Variants in CCDC171 observed in about 807,000 individuals in gnomAD.
CCDC171 encodes the protein coiled-coil domain-containing protein 171.
A neutral mutation model predicts 168.2 loss-of-function variants in CCDC171; 177 were observed. That is an observed-to-expected ratio of 1.05 (90% CI 0.93 to 1.19). The LOEUF (loss-of-function observed/expected upper bound fraction) is 1.19. CCDC171 is among the 50% of genes most tolerant of loss of function. The pLI, the probability that CCDC171 is intolerant of heterozygous loss-of-function variation, is 0.00. For synonymous variants in CCDC171, 687 were observed against 540.8 expected, an observed-to-expected ratio of 1.27 and a Z score of -3.75; for missense variants, 1,991 against 1,539.0, an observed-to-expected ratio of 1.29 and a Z score of -4.91.
intron 11 of CCDC171, among the ~76,000 whole-genome samples, chr9:15,703,822 A>G (rs1164533459): frequency 6.6e-6 from 1 of 151,856 alleles, no homozygotes; most frequent in Non-Finnish European, 1.5e-5. Flanking sequence ...TTTTTGAGAA[A>G]CCTCCATACT....
intron 8 of CCDC171, among the ~76,000 whole-genome samples, chr9:15,661,344 T>G (rs2048309727): frequency 6.6e-6 from 1 of 152,082 alleles, no homozygotes; most frequent in Non-Finnish European, 1.5e-5. Flanking sequence ...GCTGAAGTTT[T>G]AAATTCATGA....
chr9:15,698,539 A>G (rs908125944), intron 11 of CCDC171, among the ~76,000 whole-genome samples: 3 of 130,776 alleles, frequency 2.3e-5, no homozygotes, highest in Non-Finnish European at 3.3e-5. Flanking sequence ...AAAAAAAAAA[A>G]GGAACATAGG....
intron 3 of CCDC171, among the ~76,000 whole-genome samples, chr9:15,994,715 G>A (rs543502532): frequency 4.8e-4 from 73 of 152,306 alleles, no homozygotes; most frequent in African/African-American, 1.4e-3. Context: ...ATTGTCTGCA[G>A]TGTTAACAAC....
chr9:15,919,667 G>T (rs1825038746), intron 24 of CCDC171, among the ~76,000 whole-genome samples: 1 of 151,488 alleles, frequency 6.6e-6, no homozygotes, highest in African/African-American at 2.4e-5. Flanking sequence ...ACTGTTTAGA[G>T]GAGATAATAG....
chr9:15,958,229 C>CG (rs1830001357), intron 25 of CCDC171, among the ~76,000 whole-genome samples: 1 of 152,052 alleles, frequency 6.6e-6, no homozygotes, highest in South Asian at 2.1e-4. Flanking sequence ...AACAAGCAAA[C>CG]AAAATAGCCT....
At chr9:15,801,974 G>C (rs187330969) in intron 21 of CCDC171, among the ~76,000 whole-genome samples, 25 of 152,034 alleles carry the variant, frequency 1.6e-4, no homozygotes, top group African/African-American at 5.1e-4. Flanking sequence ...AATCCCACTT[G>C]GTCATGTTGA....
intron 21 of CCDC171, among the ~76,000 whole-genome samples, chr9:15,834,771 G>A (rs750867757): frequency 5.3e-5 from 8 of 152,210 alleles, no homozygotes; most frequent in Non-Finnish European, 1.2e-4. Context: ...AATGTGGTTA[G>A]GGACGTATAT....
chr9:15,979,233 C>A (rs1305730598), intron 3 of CCDC171, among the ~76,000 whole-genome samples: 1 of 152,124 alleles, frequency 6.6e-6, no homozygotes, highest in East Asian at 1.9e-4. Context: ...GTGTCATCTG[C>A]AAATAGACAC....
At chr9:15,663,590 A>G (rs956404294) in intron 8 of CCDC171, among the ~76,000 whole-genome samples, 1 of 145,398 alleles carries the variant, frequency 6.9e-6, no homozygotes, top group Non-Finnish European at 1.5e-5. Context: ...AACTACATAG[A>G]GAATTTTCTT....
At chr9:15,634,045 G>C (rs1049383454) in intron 7 of CCDC171, among the ~76,000 whole-genome samples, 1 of 151,986 alleles carries the variant, frequency 6.6e-6, no homozygotes, top group Non-Finnish European at 1.5e-5. Context: ...AGAGGGGGGC[G>C]GGATAGCTTT....
intron 11 of CCDC171, among the ~76,000 whole-genome samples, chr9:15,719,246 A>G (rs1424448089): frequency 6.6e-6 from 1 of 152,094 alleles, no homozygotes; most frequent in Admixed American, 6.6e-5. Context: ...AGAAAGAATT[A>G]GTGAGCTTGA....
chr9:15,796,338 AAG>A (rs1360140547), intron 21 of CCDC171, among the ~76,000 whole-genome samples: 12 of 152,310 alleles, frequency 7.9e-5, no homozygotes, highest in African/African-American at 2.9e-4. Flanking sequence ...AGGAAAGAAA[AAG>A]AGAATGAAAC....
chr9:15,960,957 A>G (rs1011140557), intron 25 of CCDC171, among the ~76,000 whole-genome samples: 24 of 152,110 alleles, frequency 1.6e-4, no homozygotes, highest in Admixed American at 1.6e-3. Context: ...TTTAGGTGTG[A>G]TATAATGGAA....
chr9:15,807,522 T>C (rs746274233), intron 21 of CCDC171, among the ~76,000 whole-genome samples: 1 of 152,176 alleles, frequency 6.6e-6, no homozygotes, highest in Non-Finnish European at 1.5e-5. Context: ...CTGGGATCTC[T>C]AGCGAATGAC....
chr9:16,029,227 G>A (rs906967665), intron 6 of CCDC171, among the ~76,000 whole-genome samples: 17 of 152,196 alleles, frequency 1.1e-4, no homozygotes, highest in African/African-American at 3.4e-4. Context: ...CTTAGTCCTC[G>A]ATGAGTGCAC....
chr9:15,656,939 G>T (rs552798444), intron 7 of CCDC171, among the ~76,000 whole-genome samples, 188 bp from the exon 8 acceptor site: 4 of 148,736 alleles, frequency 2.7e-5, no homozygotes, highest in Non-Finnish European at 4.5e-5. Context: ...AAAGTGTAAA[G>T]AAAAAAAAGC....
chr9:15,813,150 T>C (rs9406535), intron 21 of CCDC171, among the ~76,000 whole-genome samples: 67,774 of 151,638 alleles, frequency 0.45, 15,274 homozygotes, highest in Middle Eastern at 0.48. Flanking sequence ...CTTGCTAGAG[T>C]GTGATTGAGT....
chr9:15,623,469 G>GCACACACA lies in CCDC171; in HGVS notation c.822+57_822+58insACACACAC, dbSNP rs1554714819. Reference sequence around the variant, plus strand: ...TGCGTACAAACTTTCACATATGCGCGCGCGCGCACACACACACACACACAC... The same window carrying GCACACACA: ...TGCGTACAAACTTTCACATATGCGCGCACACACACGCGCGCACACACACACACACACAC... On this transcript the variant is annotated intron_variant, in intron 7 of 25. Transcript: ENST00000380701. 395 of 529,858 alleles carry GCACACACA rather than the reference G, an allele frequency of 7.5e-4. 2 individuals carry two copies. In the African/African-American group the frequency reaches 0.015, roughly 20 times the overall value. The allele number at this position is 529,858 out of a possible 1,614,324, so 32.8% of individuals were successfully genotyped here. A position where few individuals can be genotyped will look rare whatever the true frequency, so the allele number is the denominator to read the frequency against.
the CCDC171 span, among the ~76,000 whole-genome samples, chr9:16,072,578 C>A: frequency 1.3e-5 from 2 of 152,166 alleles, no homozygotes; most frequent in African/African-American, 4.8e-5. Flanking sequence ...GGGATGAGTC[C>A]TGGCTCCTTC....
Sources: allele counts gnomAD v4.1 joint callset (sites outside exome capture counted in the v4.1 genomes callset), GRCh38; gene constraint gnomAD v4.1.1; transcripts MANE v1.5; gene names NCBI Gene and HGNC (gene_info 2026-07-23, HGNC 2026-07-21).